The following SRGAP3 variants were observed in gnomAD, a reference collection of about 807,000 sequenced individuals.
SRGAP3 encodes the protein SLIT-ROBO Rho GTPase activating protein 3, also known as SLIT-ROBO Rho GTPase-activating protein 3.
Under a neutral mutation model 121.1 loss-of-function variants are expected in SRGAP3, and 39 were observed. The ratio of observed to expected loss-of-function variants is 0.32; its 90% confidence interval spans 0.25 to 0.42. SRGAP3 has a LOEUF of 0.42. Ranked by LOEUF, SRGAP3 falls within the 10% of genes least tolerant of loss-of-function variation. The probability of loss-of-function intolerance (pLI) is 1.00; values close to 1 mark genes in which losing one functional copy is unlikely to be tolerated. For missense variants in SRGAP3, 1,213 were observed against 1,470.6 expected, an observed-to-expected ratio of 0.82 and a Z score of 2.86; for synonymous variants, 601 against 570.0, an observed-to-expected ratio of 1.05 and a Z score of -0.77.
intron 1 of SRGAP3, among the ~76,000 whole-genome samples, chr3:9,354,618 C>T (rs1231865666): frequency 1.4e-5 from 2 of 146,668 alleles, no homozygotes; most frequent in African/African-American, 5.1e-5. Flanking sequence ...GGAGGCGGAG[C>T]TTGCAGTGAG....
rs377170003 is a variant in SRGAP3 at position 9,178,608 on chromosome 3, A to G, written c.68-53691T>C. ...GATCCAGAGAGGAATCAATCATCCA[A>G]CTTCACAAAGCCAGACAGCAGCACA... On this transcript the variant is annotated intron_variant, in intron 1 of 21. Transcript: ENST00000383836. Among the ~76,000 whole-genome samples the G allele has an allele frequency of 2.0e-5, 3 of 152,236 alleles. No homozygotes were observed. In the East Asian group the frequency reaches 5.8e-4, roughly 29 times the overall value.
intron 3 of SRGAP3, among the ~76,000 whole-genome samples, chr3:9,281,699 G>C (rs1954683206): frequency 6.6e-6 from 1 of 152,104 alleles, no homozygotes; most frequent in African/African-American, 2.4e-5. Flanking sequence ...TTGAGACAGG[G>C]TCTTGCTCTG....
intron 1 of SRGAP3, among the ~76,000 whole-genome samples, chr3:9,346,000 A>T (rs573829063): frequency 6.6e-6 from 1 of 152,150 alleles, no homozygotes; most frequent in African/African-American, 2.4e-5. Context: ...TCATTTTTAC[A>T]TATGACTTAA....
chr3:8,985,625 T>C lies in SRGAP3; in HGVS notation c.3194A>G (p.Gln1065Arg). Residue 1065 changes from glutamine (Q) to arginine (R), a missense_variant, in exon 22 of 22, where the codon CAG (glutamine) becomes CGG (arginine). By Grantham distance (43) the Gln-to-Arg change is conservative (BLOSUM62 1). This residue lies in a region of SRGAP3 where 420 missense variants were observed against 437.7 expected (regional missense o/e 0.96). Coordinates refer to ENST00000383836, the MANE Select transcript of SRGAP3 (RefSeq NM_014850.4). The surrounding 1 kb of genome is among the most constrained non-coding windows in gnomAD (Gnocchi z 5.1). The part of the protein sequence containing the change: ...PPMRPVRPVV[Q>R]HRSSSSSSSG... ...GCTGCTGCTGCTGCTGGACCGGTGC[T>C]GGACCACCGGCCGCACGGGCCGCAT... 3 of 1,595,524 alleles carry C rather than the reference T, an allele frequency of 1.9e-6. No homozygotes were observed. The highest frequency in any genetic ancestry group is 2.5e-6 in the Non-Finnish European group (3 of 1,177,954).
chr3:9,187,820 G>A (rs1327099785), intron 1 of SRGAP3, among the ~76,000 whole-genome samples: 3 of 152,154 alleles, frequency 2.0e-5, no homozygotes, highest in Admixed American at 6.5e-5. Context: ...CGTGTACGAC[G>A]TGACTTATAC....
In SRGAP3 at chr3:9,058,352, T is replaced by C. The variant is rs1190902271; in HGVS notation, c.922A>G (p.Asn308Asp). Residue 308 changes from asparagine (N) to aspartate (D), a missense_variant, in exon 7 of 22, where the codon AAC becomes GAC. Asn to Asp is a conservative substitution (Grantham distance 23). Coordinates refer to ENST00000383836, the MANE Select transcript of SRGAP3 (RefSeq NM_014850.4). ...GLDVIENAVD[N>D]LDSRSDKHTV... ...TGCTTGTCACTTCGGGAATCCAGGT[T>C]GTCCACTGCATTCTCAATGACATCC... 5 of 1,614,120 alleles carry C rather than the reference T, an allele frequency of 3.1e-6. No homozygotes were observed. The highest frequency in any genetic ancestry group is 4.2e-6 in the Non-Finnish European group (5 of 1,180,044).
At chr3:9,159,954 C>G (rs996093434) in intron 1 of SRGAP3, among the ~76,000 whole-genome samples, 1 of 152,186 alleles carries the variant, frequency 6.6e-6, no homozygotes, top group Non-Finnish European at 1.5e-5. Flanking sequence ...GGACACTCAT[C>G]TCTCCCATCA....
At position 9,104,730 on chromosome 3, in the gene SRGAP3, T is replaced by C. The variant is rs1948353661; in HGVS notation, c.373A>G (p.Ile125Val). ...TCACTGATCTGGGAGAGGCGGACGA[T>C]GACATTGTTCATGAAGATGTCATTG... ...TLNDIFMNNV[I>V]VRLSQISEDV... is the part of the protein sequence containing the mutation. Residue 125 changes from isoleucine (I) to valine (V), a missense_variant, in exon 3 of 22, where the codon ATC becomes GTC. Coordinates refer to ENST00000383836, the MANE Select transcript of SRGAP3 (RefSeq NM_014850.4). 1 of 1,614,250 alleles carries C rather than the reference T, an allele frequency of 6.2e-7. No homozygotes were observed. The highest frequency in any genetic ancestry group is 1.3e-5 in the African/African-American group (1 of 75,058).
rs954988436 is a variant in SRGAP3, at chr3:9,107,858, C to G, written c.261-3016G>C. 3.9e-5 allele frequency among the ~76,000 whole-genome samples: 6 copies of G among 152,318 alleles called. No homozygotes were observed. The East Asian group carries it at 1.2e-3, about 29-fold the overall frequency. On this transcript the variant is annotated intron_variant, in intron 2 of 21. Transcript: ENST00000383836. ...TCTATTGTGTCATCACGTCCAGCAC[C>G]CAGCAATGTGCCTGCCATGTAGCAG...
intron 3 of SRGAP3, among the ~76,000 whole-genome samples, chr3:9,299,040 A>C: frequency 7.8e-6 from 1 of 127,838 alleles, no homozygotes; most frequent in Non-Finnish European, 1.6e-5. Context: ...TGACAGAGTG[A>C]GACTCCATCT....
intron 3 of SRGAP3, among the ~76,000 whole-genome samples, chr3:9,318,046 A>AAT (rs1202999057): frequency 6.6e-6 from 1 of 152,002 alleles, no homozygotes; most frequent in Non-Finnish European, 1.5e-5. Context: ...TAGAGTGGCA[A>AAT]ATATATAACC....
At chr3:9,125,660 TA>T (rs938113229) in intron 1 of SRGAP3, among the ~76,000 whole-genome samples, 1 of 152,228 alleles carries the variant, frequency 6.6e-6, no homozygotes, top group Non-Finnish European at 1.5e-5. Flanking sequence ...AAGCTGGAGT[TA>T]AAAATCACAG....
At chr3:9,092,961 T>TTCTC (rs145213265) in intron 3 of SRGAP3, among the ~76,000 whole-genome samples, 5 of 149,880 alleles carry the variant, frequency 3.3e-5, no homozygotes, top group African/African-American at 9.8e-5. Context: ...TATATACATA[T>TTCTC]TCTCTCTCTC....
chr3:9,077,854 C>T (rs542695667), intron 4 of SRGAP3, among the ~76,000 whole-genome samples: 132 of 152,344 alleles, frequency 8.7e-4, no homozygotes, highest in African/African-American at 2.7e-3. Flanking sequence ...AGGTGACCAT[C>T]CCTGTTTGTC....
At chr3:9,344,643 A>C (rs1331889673) in intron 1 of SRGAP3, among the ~76,000 whole-genome samples, 3 of 89,806 alleles carry the variant, frequency 3.3e-5, no homozygotes, top group Non-Finnish European at 7.5e-5. Context: ...AAAAACAAAA[A>C]ACAAAAAAAA....
At chr3:9,153,782 T>C (rs1281709934) in intron 1 of SRGAP3, among the ~76,000 whole-genome samples, 1 of 152,228 alleles carries the variant, frequency 6.6e-6, no homozygotes, top group Non-Finnish European at 1.5e-5. Context: ...TACATATACA[T>C]ATGTTATCGT....
At chr3:9,013,982 T>C (rs761722747) in intron 15 of SRGAP3, 140 bp from the exon 16 acceptor site, 4 of 788,550 alleles carry the variant, frequency 5.1e-6, no homozygotes, top group Non-Finnish European at 2.2e-6. Context: ...TCACAGGTGA[T>C]CCTGGCCTGG....
At chr3:9,236,569 G>C (rs1355590754) in intron 1 of SRGAP3, among the ~76,000 whole-genome samples, 1 of 151,956 alleles carries the variant, frequency 6.6e-6, no homozygotes, top group Non-Finnish European at 1.5e-5. Flanking sequence ...GTTTAAAAGT[G>C]TGTGGCACTT....
chr3:9,357,776 A>G (rs1259107469), intron 1 of SRGAP3, among the ~76,000 whole-genome samples: 1 of 152,168 alleles, frequency 6.6e-6, no homozygotes, highest in African/African-American at 2.4e-5. Context: ...AAGTCTCCCA[A>G]TATAAGTCTA....
Sources: allele counts gnomAD v4.1 joint callset (sites outside exome capture counted in the v4.1 genomes callset), GRCh38; gene constraint gnomAD v4.1.1; regional missense constraint gnomAD v4.1.1; non-coding constraint Gnocchi (gnomAD v3.1); transcripts MANE v1.5; gene names NCBI Gene and HGNC (gene_info 2026-07-23, HGNC 2026-07-21).